LNX1: variants seen among roughly 807,000 people sequenced by gnomAD.
LNX1 encodes the protein ligand of numb-protein X 1, also known as E3 ubiquitin-protein ligase LNX.
Under a neutral mutation model 68.4 loss-of-function variants are expected in LNX1, and 54 were observed. The observed-to-expected ratio is 0.79, with a 90% CI of 0.63 to 0.99. LNX1 has a LOEUF of 0.99. LNX1 is among the 50% of genes least tolerant of loss of function. The pLI, the probability that LNX1 is intolerant of heterozygous loss-of-function variation, is 0.00. For synonymous variants in LNX1, 336 were observed against 350.0 expected (o/e 0.96, Z 0.45); for missense variants, 906 against 926.4 (o/e 0.98, Z 0.29).
chr4:53,562,618 T>C (rs1730365813), intron 2 of LNX1, among the ~76,000 whole-genome samples: 1 of 152,206 alleles, frequency 6.6e-6, no homozygotes, highest in Non-Finnish European at 1.5e-5. Context: ...TGTGATTCTG[T>C]CTGCCTGTAC....
chr4:53,568,827 A>C (rs1331332017), intron 2 of LNX1, among the ~76,000 whole-genome samples: 5 of 152,144 alleles, frequency 3.3e-5, no homozygotes, highest in Admixed American at 1.3e-4. Flanking sequence ...CAGGACACAA[A>C]ATCAATGTGC....
At chr4:53,640,210 C>T (rs1415170195) in intron 1 of LNX1, among the ~76,000 whole-genome samples, 3 of 152,146 alleles carry the variant, frequency 2.0e-5, no homozygotes, top group East Asian at 1.9e-4. Flanking sequence ...TGTAGATTTA[C>T]GTATTAAAAA....
intron 1 of LNX1, among the ~76,000 whole-genome samples, chr4:53,625,145 A>C (rs1179738346): frequency 6.6e-6 from 1 of 152,224 alleles, no homozygotes; most frequent in Non-Finnish European, 1.5e-5. Context: ...CATAAGAGTA[A>C]ATCTTTGTGA....
intron 9 of LNX1, among the ~76,000 whole-genome samples, chr4:53,465,910 C>G (rs1223790250): frequency 6.6e-6 from 1 of 152,156 alleles, no homozygotes; most frequent in African/African-American, 2.4e-5. Flanking sequence ...TAAAATGCTA[C>G]TTTATTATAG....
intron 9 of LNX1, among the ~76,000 whole-genome samples, chr4:53,472,955 C>T (rs1723334419): frequency 1.3e-5 from 2 of 152,134 alleles, no homozygotes; most frequent in Non-Finnish European, 2.9e-5. Context: ...GAGTTAAATG[C>T]TGGCCAAGTA....
chr4:53,499,530 T>TTCTCTGCATATA (rs1427765388), intron 4 of LNX1, among the ~76,000 whole-genome samples: 20 of 152,330 alleles, frequency 1.3e-4, no homozygotes, highest in Middle Eastern at 3.4e-3. Context: ...TGTTCCATGG[T>TTCTCTGCATATA]TCTCTGCATA....
intron 9 of LNX1, among the ~76,000 whole-genome samples, chr4:53,474,254 G>A (rs577017621): frequency 2.6e-4 from 40 of 152,282 alleles, no homozygotes; most frequent in African/African-American, 9.4e-4. Flanking sequence ...GAGTGTATAT[G>A]CTACCATTGT....
At chr4:53,494,261 T>C (rs1355565707) in intron 6 of LNX1, among the ~76,000 whole-genome samples, 1 of 152,190 alleles carries the variant, frequency 6.6e-6, no homozygotes, top group African/African-American at 2.4e-5. Context: ...CATTCTCTCT[T>C]GCCTGCTGCC....
rs1395954446 is a variant in LNX1, at chr4:53,616,586, C to G, written c.-283-1G>C. The G allele has an allele frequency of 5.3e-5, 8 of 152,170 alleles. No homozygotes were observed. The highest frequency in any genetic ancestry group is 1.7e-4 in the African/African-American group (7 of 41,430). The allele number at this position is 152,170 out of a possible 1,614,324, so 9.4% of individuals were successfully genotyped here. On this transcript the variant is annotated splice_acceptor_variant, in intron 1 of 3. Transcript: ENST00000504299. LOFTEE classifies it low-confidence loss of function (5UTR_SPLICE). ...GTAGATAGTTTTCAAGGGTCCCAGC[C>G]TGGAGGAAGAGAATATCTTTCCAGT... is the stretch of plus-strand genomic sequence containing the variant.
intron 2 of LNX1, among the ~76,000 whole-genome samples, chr4:53,536,769 G>C (rs1728403212): frequency 6.6e-6 from 1 of 152,132 alleles, no homozygotes; most frequent in South Asian, 2.1e-4. Context: ...TCTATAATTA[G>C]TTGGGTTCTC....
intron 5 of LNX1, among the ~76,000 whole-genome samples, chr4:53,498,433 A>AG (rs1030469754): frequency 4.6e-5 from 7 of 152,134 alleles, no homozygotes; most frequent in African/African-American, 1.4e-4. Flanking sequence ...ACAGAGAGAA[A>AG]GGGGGGAGAG....
At chr4:53,526,117 A>G (rs1247117373) in intron 2 of LNX1, among the ~76,000 whole-genome samples, 1 of 152,188 alleles carries the variant, frequency 6.6e-6, no homozygotes, top group Admixed American at 6.5e-5. Context: ...AAGAAAAAAT[A>G]TTAAAAAAAG....
chr4:53,648,944 T>C (rs908607944), intron 1 of LNX1, among the ~76,000 whole-genome samples: 3 of 152,162 alleles, frequency 2.0e-5, no homozygotes, highest in African/African-American at 7.2e-5. Flanking sequence ...TAACAGATCA[T>C]GGTGAATGAA....
intron 2 of LNX1, among the ~76,000 whole-genome samples, chr4:53,516,294 A>T (rs1726777761): frequency 6.6e-6 from 1 of 152,202 alleles, no homozygotes; most frequent in African/African-American, 2.4e-5. Context: ...TGGAATATAT[A>T]GTAACTCAGT....
chr4:53,488,450 A>C (rs1419852504), intron 6 of LNX1, among the ~76,000 whole-genome samples: 1 of 152,216 alleles, frequency 6.6e-6, no homozygotes, highest in Admixed American at 6.5e-5. Context: ...TAAAAAATGT[A>C]ATAAGTTCTG....
At chr4:53,633,394 T>G (rs1405386025) in intron 1 of LNX1, among the ~76,000 whole-genome samples, 1 of 152,216 alleles carries the variant, frequency 6.6e-6, no homozygotes, top group Admixed American at 6.5e-5. Context: ...TTCCTCATAT[T>G]ATTGCTTCTT....
chr4:53,592,927 GC>G (rs1732579317), upstream of LNX1: 1 of 152,154 alleles, frequency 6.6e-6, no homozygotes, highest in African/African-American at 2.4e-5. Flanking sequence ...CCTCAGGGGA[GC>G]TGGCTCCTGT....
chr4:53,549,781 A>G (rs996629060), intron 2 of LNX1, among the ~76,000 whole-genome samples: 1 of 152,176 alleles, frequency 6.6e-6, no homozygotes, highest in African/African-American at 2.4e-5. Context: ...CTCCTTTTAT[A>G]TTGTTTGTAG....
In LNX1 at chr4:53,611,303, T is replaced by C. The variant is rs561005785; in HGVS notation, c.-215+5214A>G. On this transcript the variant is annotated intron_variant, in intron 2 of 3. Transcript: ENST00000504299. ...AAAAAGAAAATGCACAACAAAGTTA[T>C]ACTAAAATATGCAAAAGGAGAAATG... 1.2e-3 allele frequency among the ~76,000 whole-genome samples: 180 copies of C among 152,248 alleles called. 4 individuals carry two copies. Among genetic ancestry groups the C allele is most frequent in the Non-Finnish European group, 2.4e-4 (16 of 68,002 alleles).
Sources: allele counts gnomAD v4.1 joint callset (sites outside exome capture counted in the v4.1 genomes callset), GRCh38; gene constraint gnomAD v4.1.1; transcripts MANE v1.5; gene names NCBI Gene and HGNC (gene_info 2026-07-23, HGNC 2026-07-21).